Variants in BCAR1 observed in about 807,000 individuals in gnomAD.
The protein encoded by BCAR1 is breast cancer anti-estrogen resistance protein 1.
BCAR1 carries 30 observed loss-of-function variants against 67.6 expected under a neutral mutation model. The observed-to-expected ratio is 0.44, with a 90% CI of 0.33 to 0.60. The LOEUF is 0.60. BCAR1 is among the 20% of genes least tolerant of loss of function. The pLI, the probability that BCAR1 is intolerant of heterozygous loss-of-function variation, is 0.02. For synonymous variants in BCAR1, 626 were observed against 556.7 expected, an observed-to-expected ratio of 1.12 and a Z score of -1.75; for missense variants, 1,313 against 1,222.3, an observed-to-expected ratio of 1.07 and a Z score of -1.11.
intron 4 of BCAR1, chr16:75,236,339 C>T (rs2077133247): frequency 2.7e-6 from 1 of 375,392 alleles, no homozygotes; most frequent in Non-Finnish European, 4.8e-6. Flanking sequence ...TGCAGACACT[C>T]ACTGAAAGGT....
Position 75,235,119 on chromosome 16 carries a change from C to A in BCAR1, c.1780G>T (p.Ala594Ser). Residue 594 changes from alanine (A) to serine (S), a missense_variant, in exon 5 of 7, where the codon GCC (alanine) becomes TCC (serine). This residue lies in a region of BCAR1 where 1,272 missense variants were observed against 1,137.5 expected (regional missense o/e 1.12). Coordinates refer to ENST00000162330, the MANE Select transcript of BCAR1 (RefSeq NM_014567.5). ...RAVPEDAKQL[A>S]SFLHGNASLL... ...GAGGCATTGCCGTGCAGGAAGGAGG[C>A]CAGCTGCTTGGCGTCCTCGGGCACA... 1.2e-6 allele frequency: 2 copies of A among 1,610,936 alleles called. No homozygotes were observed. The highest frequency in any genetic ancestry group is 1.7e-6 in the Non-Finnish European group (2 of 1,179,988).
At chr16:75,266,003 C>G in intron 1 of BCAR1, 1 of 1,035,858 alleles carries the variant, frequency 9.7e-7, no homozygotes, top group Non-Finnish European at 1.2e-6. Flanking sequence ...AGCCGCGCCG[C>G]GCATGCGCCG....
chr16:75,261,186 C>T (rs2077901905), intron 1 of BCAR1, among the ~76,000 whole-genome samples: 2 of 152,194 alleles, frequency 1.3e-5, no homozygotes, highest in South Asian at 2.1e-4. Context: ...GACAATGGCC[C>T]AGCACACAAG....
At chr16:75,247,891 C>T (rs1482436239) in intron 1 of BCAR1, 1 of 684,586 alleles carries the variant, frequency 1.5e-6, no homozygotes, top group Non-Finnish European at 2.6e-6. Flanking sequence ...TGCCCAAGAC[C>T]CCAGGGTTGG....
At chr16:75,251,650 C>G, upstream of BCAR1, 1 of 998,400 alleles carries the variant, frequency 1.0e-6, no homozygotes, top group Non-Finnish European at 1.2e-6. Context: ...GCCGCCACGG[C>G]CCAGCCGGCC....
At chr16:75,233,414 C>CTT (rs2076971320) in intron 6 of BCAR1, among the ~76,000 whole-genome samples, 1 of 151,962 alleles carries the variant, frequency 6.6e-6, no homozygotes, top group African/African-American at 2.4e-5. Context: ...ACAATACAAA[C>CTT]ATTCAATAGA....
rs763677402 is a variant in BCAR1, at chr16:75,229,639, T to C, written c.2485A>G (p.Thr829Ala). The change falls in exon 7 of 7, where the codon ACC (threonine) becomes GCC (alanine). Residue 829 changes from threonine to alanine, a missense_variant. By Grantham distance (58) the Thr-to-Ala change is moderately conservative (BLOSUM62 0). Around this residue, in one of 2 missense-constraint regions of BCAR1, gnomAD observed 1,272 missense variants for 1,137.5 expected, o/e 1.12. Coordinates refer to ENST00000162330, the MANE Select transcript of BCAR1 (RefSeq NM_014567.5). ...LCDLLRGIVA[T>A]TKAAALQYPS... ...TACTGCAAGGCAGCGGCCTTGGTGG[T>C]GGCCACGATGCCGCGCAGGAGGTCG... 90 of 1,612,566 alleles carry C rather than the reference T, an allele frequency of 5.6e-5. No homozygotes were observed. Among genetic ancestry groups the C allele is most frequent in the Non-Finnish European group, 7.4e-5 (87 of 1,179,902 alleles).
At chr16:75,234,096 GACACACACACACACACAAGCACACGTGA>G (rs1567586493) in intron 5 of BCAR1, among the ~76,000 whole-genome samples, 161 bp from the exon 6 acceptor site, 9 of 148,390 alleles carry the variant, frequency 6.1e-5, no homozygotes. Flanking sequence ...AGCACACGTG[GACACACACACACACACAAGCACACGTGA>G]ACACACACAC....
chr16:75,252,748 A>C (rs1013891272), upstream of BCAR1, among the ~76,000 whole-genome samples: 2 of 152,226 alleles, frequency 1.3e-5, no homozygotes, highest in African/African-American at 4.8e-5. Flanking sequence ...ACACAAGCCC[A>C]GGTGGGCCTG....
intron 2 of BCAR1, chr16:75,239,232 A>T (rs2077250080): frequency 1.6e-6 from 1 of 606,714 alleles, no homozygotes; most frequent in South Asian, 7.2e-5. Context: ...CAGGCCGTGG[A>T]GGTCCCCCGG....
At chr16:75,261,688 C>A (rs1174796747) in intron 1 of BCAR1, among the ~76,000 whole-genome samples, 1 of 152,218 alleles carries the variant, frequency 6.6e-6, no homozygotes, top group Non-Finnish European at 1.5e-5. Flanking sequence ...AGGCCAGGGT[C>A]CTGCAGGCCA....
chr16:75,239,458 C>G (rs1240893594), intron 2 of BCAR1, among the ~76,000 whole-genome samples: 1 of 152,170 alleles, frequency 6.6e-6, no homozygotes, highest in South Asian at 2.1e-4. Flanking sequence ...GGGGGACAAG[C>G]GAACTCAGGA....
At chr16:75,252,961 G>A (rs917149427), upstream of BCAR1, among the ~76,000 whole-genome samples, 1 of 152,192 alleles carries the variant, frequency 6.6e-6, no homozygotes, top group African/African-American at 2.4e-5. Flanking sequence ...AAAACTGGAC[G>A]TCTGCATTTC....
At chr16:75,230,181 G>C (rs778188921) in intron 6 of BCAR1, among the ~76,000 whole-genome samples, 158 bp from the exon 7 acceptor site, 2 of 152,208 alleles carry the variant, frequency 1.3e-5, no homozygotes, top group South Asian at 4.1e-4. Context: ...CCGGGGACGG[G>C]ACCAGGAACC....
intron 1 of BCAR1, among the ~76,000 whole-genome samples, chr16:75,243,784 G>A (rs1187588925): frequency 6.6e-6 from 1 of 152,222 alleles, no homozygotes; most frequent in Non-Finnish European, 1.5e-5. Flanking sequence ...AGGCATGAGT[G>A]CCGTGGCGAG....
rs1017680104 is a variant in BCAR1, at chr16:75,229,084, A to C, written c.*427T>G. ...TGGAGACTCTTAGTCAAATGATTGG[A>C]AAACCAATAACGAAAAATAGTTCTT... On this transcript the variant is annotated 3_prime_UTR_variant, in exon 7 of 7. Transcript: ENST00000162330. 3 of 163,124 alleles carry C rather than the reference A, an allele frequency of 1.8e-5. No homozygotes were observed. Among genetic ancestry groups the C allele is most frequent in the African/African-American group, 7.2e-5 (3 of 41,896 alleles). The allele number at this position is 163,124 out of a possible 1,614,324, so 10.1% of individuals were successfully genotyped here.
At chr16:75,233,968 C>G (rs1316199856) in intron 5 of BCAR1, 33 bp from the exon 6 acceptor site, 2 of 1,565,388 alleles carry the variant, frequency 1.3e-6, no homozygotes, top group Admixed American at 3.7e-5. Context: ...GCGCTGAGGC[C>G]AGTTTTCTGA....
chr16:75,259,191 C>G (rs1243153940), intron 1 of BCAR1, among the ~76,000 whole-genome samples: 5 of 152,220 alleles, frequency 3.3e-5, no homozygotes, highest in Admixed American at 3.3e-4. Context: ...ATACCACTTT[C>G]TGGGCAAACA....
chr16:75,266,572 T>C, intron 1 of BCAR1: 1 of 512,742 alleles, frequency 2.0e-6, no homozygotes, highest in Non-Finnish European at 3.0e-6. Flanking sequence ...ATTTCAGCTG[T>C]TTCGCATCTA....
Sources: allele counts gnomAD v4.1 joint callset (sites outside exome capture counted in the v4.1 genomes callset), GRCh38; gene constraint gnomAD v4.1.1; regional missense constraint gnomAD v4.1.1; transcripts MANE v1.5; gene names NCBI Gene and HGNC (gene_info 2026-07-23, HGNC 2026-07-21).